Variants in PRKG1 observed in about 807,000 individuals in gnomAD.
The protein encoded by PRKG1 is cGMP-dependent protein kinase 1.
PRKG1 carries 35 observed loss-of-function variants against 88.1 expected under a neutral mutation model. That is an observed-to-expected ratio of 0.40 (90% CI 0.30 to 0.53). PRKG1 has a LOEUF of 0.53. Ranked by LOEUF, PRKG1 falls within the 20% of genes least tolerant of loss-of-function variation. The pLI is 0.59. For synonymous variants in PRKG1, 303 were observed against 292.5 expected, an observed-to-expected ratio of 1.04 and a Z score of -0.37; for missense variants, 540 against 839.8, an observed-to-expected ratio of 0.64 and a Z score of 4.41.
At chr10:51,720,155 C>T (rs1201789528) in intron 3 of PRKG1, among the ~76,000 whole-genome samples, 1 of 152,152 alleles carries the variant, frequency 6.6e-6, no homozygotes. Context: ...ATTCTCATTT[C>T]AGAAATCTTC....
chr10:51,931,948 A>G (rs914856521), intron 5 of PRKG1, among the ~76,000 whole-genome samples: 3 of 152,158 alleles, frequency 2.0e-5, no homozygotes, highest in African/African-American at 7.2e-5. Context: ...AAATGTTACC[A>G]CTATAAATCC....
rs570175074 is a variant in PRKG1 at position 51,659,723 on chromosome 10, G to A, written c.593-144862G>A. 2.0e-5 allele frequency among the ~76,000 whole-genome samples: 3 copies of A among 152,186 alleles called. No individual in the cohort carries two copies. In the South Asian group the frequency reaches 6.2e-4, roughly 32 times the overall value. On this transcript the variant is annotated intron_variant, in intron 3 of 17. Transcript: ENST00000373980. ...TTTGGAATGTCCTATTTATGGAAAA[G>A]TATACAAAATTGCAAATGCAAACTT...
intron 2 of PRKG1, among the ~76,000 whole-genome samples, chr10:51,269,176 C>T (rs1287921412): frequency 1.3e-5 from 2 of 152,066 alleles, no homozygotes; most frequent in East Asian, 1.9e-4. Flanking sequence ...TGAGATACCA[C>T]CTTACTTCTG....
chr10:52,079,243 A>G (rs1233493834), intron 7 of PRKG1, among the ~76,000 whole-genome samples: 1 of 152,080 alleles, frequency 6.6e-6, no homozygotes, highest in East Asian at 1.9e-4. Flanking sequence ...TTCCACTGTA[A>G]TTCAGATCTT....
intron 1 of PRKG1, among the ~76,000 whole-genome samples, chr10:51,097,646 C>T (rs917701997): frequency 5.9e-5 from 9 of 152,052 alleles, no homozygotes; most frequent in African/African-American, 2.2e-4. Context: ...TCTCTTTGTC[C>T]AAAGTTCCAA....
intron 2 of PRKG1, among the ~76,000 whole-genome samples, chr10:51,200,329 G>T (rs1211474180): frequency 6.6e-6 from 1 of 152,186 alleles, no homozygotes; most frequent in Non-Finnish European, 1.5e-5. Context: ...TCTGTGCCTA[G>T]CACAAACATG....
At chr10:51,578,873 C>G (rs12146154) in intron 3 of PRKG1, among the ~76,000 whole-genome samples, 55,287 of 151,446 alleles carry the variant, frequency 0.37, 10,742 homozygotes, top group Non-Finnish European at 0.45. Context: ...AACCATAGAC[C>G]ATATAGCATA....
At chr10:51,098,829 T>C (rs1356919938) in intron 1 of PRKG1, among the ~76,000 whole-genome samples, 1 of 152,290 alleles carries the variant, frequency 6.6e-6, no homozygotes, top group East Asian at 1.9e-4. Flanking sequence ...TTGCTTCCAA[T>C]AGCCTGCATT....
Position 52,067,322 on chromosome 10 carries a change from T to A in PRKG1, c.935+4691T>A, listed in dbSNP as rs1846378495. On this transcript the variant is annotated intron_variant, in intron 7 of 17. Coordinates refer to ENST00000373980, the MANE Select transcript of PRKG1 (RefSeq NM_006258.4). ...TACTCGGAATTTTGGTTTTATTCTC[T>A]TGAAGTTGTTCAGCAGGCAATTAAA... 2.0e-5 allele frequency among the ~76,000 whole-genome samples: 3 copies of A among 152,260 alleles called. No homozygotes were observed. In the East Asian group the frequency reaches 5.8e-4, roughly 29 times the overall value.
At chr10:52,209,479 T>C (rs1839904359) in intron 9 of PRKG1, among the ~76,000 whole-genome samples, 1 of 152,170 alleles carries the variant, frequency 6.6e-6, no homozygotes, top group Admixed American at 6.6e-5. Context: ...CAAAAGAATA[T>C]TGTATTCATG....
chr10:51,378,914 T>C (rs1368976973), intron 2 of PRKG1, among the ~76,000 whole-genome samples: 3 of 152,186 alleles, frequency 2.0e-5, no homozygotes, highest in East Asian at 1.9e-4. Context: ...GTGAGAAATT[T>C]CTATATAATA....
intron 5 of PRKG1, among the ~76,000 whole-genome samples, chr10:51,968,804 CA>C (rs1843633105): frequency 1.7e-5 from 2 of 120,806 alleles, no homozygotes; most frequent in South Asian, 5.2e-4. Context: ...GCCTGAGCGA[CA>C]GAGCAAAACT....
In PRKG1 at chr10:51,716,406, G is replaced by C. The variant is rs138502134; in HGVS notation, c.593-88179G>C. Among the ~76,000 whole-genome samples the C allele has an allele frequency of 3.5e-3, 540 of 152,210 alleles. 2 individuals carry two copies. The highest frequency in any genetic ancestry group is 0.017 in the Middle Eastern group (5 of 294). On this transcript the variant is annotated intron_variant, in intron 3 of 17. Coordinates refer to ENST00000373980, the MANE Select transcript of PRKG1 (RefSeq NM_006258.4). ...TCTCAAAATTAAGCCCAGGTATCTGGACAGTCATGTACCCCAAGACCTCTG... is the reference window on the plus strand; with the variant it reads ...TCTCAAAATTAAGCCCAGGTATCTGCACAGTCATGTACCCCAAGACCTCTG...
At chr10:51,080,817 A>G (rs1208647776) in intron 1 of PRKG1, among the ~76,000 whole-genome samples, 1 of 152,046 alleles carries the variant, frequency 6.6e-6, no homozygotes, top group Non-Finnish European at 1.5e-5. Context: ...CCCTCTCACC[A>G]TCTTCTGTAA....
chr10:52,080,425 A>G (rs1408779702), intron 7 of PRKG1, among the ~76,000 whole-genome samples: 1 of 152,184 alleles, frequency 6.6e-6, no homozygotes, highest in Non-Finnish European at 1.5e-5. Context: ...ACATATGTTG[A>G]ATTATTTTGT....
chr10:51,487,721 A>G (rs577145778), intron 3 of PRKG1, among the ~76,000 whole-genome samples: 1 of 152,266 alleles, frequency 6.6e-6, no homozygotes, highest in South Asian at 2.1e-4. Context: ...AGCCAAAAAC[A>G]CCCTGGACAA....
chr10:51,539,926 T>G (rs1842259017), intron 3 of PRKG1, among the ~76,000 whole-genome samples: 1 of 152,236 alleles, frequency 6.6e-6, no homozygotes, highest in Non-Finnish European at 1.5e-5. Flanking sequence ...TATTTTGTTA[T>G]TTCTAACAAT....
Position 52,128,363 on chromosome 10 carries a change from C to T in PRKG1, c.936-5477C>T, listed in dbSNP as rs920385935. 6 of 985,178 alleles carry T rather than the reference C, an allele frequency of 6.1e-6. No homozygotes were observed. In the African/African-American group the frequency reaches 1.0e-4, roughly 17 times the overall value. 61.0% of individuals were successfully genotyped at this position (985,178 alleles called of 1,614,324 possible). A position where few individuals can be genotyped will look rare whatever the true frequency, so the allele number is the denominator to read the frequency against. Reference sequence around the variant, plus strand: ...GGCCTCATACATTCTGTGTTTGTTCCCCTGAGGTATCAATGAACGCTAGAG... The same window carrying T: ...GGCCTCATACATTCTGTGTTTGTTCTCCTGAGGTATCAATGAACGCTAGAG... On this transcript the variant is annotated intron_variant, in intron 7 of 17. Transcript: ENST00000373980.
chr10:51,338,118 A>G (rs1284371880), intron 2 of PRKG1, among the ~76,000 whole-genome samples: 4 of 152,178 alleles, frequency 2.6e-5, no homozygotes, highest in Admixed American at 2.0e-4. Context: ...AGGAACAGAA[A>G]CCCAAACACT....
Sources: gnomAD v4.1 joint callset for allele counts (sites outside exome capture counted in the v4.1 genomes callset) on GRCh38, gnomAD v4.1.1 for gene constraint, MANE v1.5 for transcripts, NCBI Gene and HGNC (gene_info 2026-07-23, HGNC 2026-07-21) for gene names.